Variants in HDGF observed in about 807,000 individuals in gnomAD.
The protein encoded by HDGF is hepatoma-derived growth factor.
In HDGF, 5 loss-of-function variants were observed where a neutral mutation model predicts 30.0. That is an observed-to-expected ratio of 0.17 (90% CI 0.09 to 0.35). HDGF has a LOEUF of 0.35. Among genes scored for constraint, HDGF ranks in the 10% least tolerant of loss-of-function variants. The pLI is 1.00. For missense variants in HDGF, 214 were observed against 302.8 expected (o/e 0.71, Z 2.18); for synonymous variants, 133 against 112.7 (o/e 1.18, Z -1.14).
rs1263248247 is a variant in HDGF, at chr1:156,763,588, CT to C, written n.136+3201del. Among the ~76,000 whole-genome samples the C allele has an allele frequency of 3.4e-3, 463 of 137,096 alleles. 1 individual carries two copies. Among genetic ancestry groups the C allele is most frequent in the Admixed American group, 3.9e-3 (53 of 13,596 alleles). 89.9% of individuals were successfully genotyped at this position (137,096 alleles called of 152,430 possible). On this transcript the variant is annotated intron_variant and non_coding_transcript_variant, in intron 1 of 7. Coordinates refer to the HDGF transcript ENST00000465180. ...TCATAGATGTACCAGTTACAAATTT[CT>C]TTTTTTTTTTTTTTGAGACGGAGTC...
chr1:156,751,487 T>C lies in HDGF; in HGVS notation c.-58A>G. 2 of 1,311,924 alleles carry C rather than the reference T, an allele frequency of 1.5e-6. No homozygotes were observed. Among genetic ancestry groups the C allele is most frequent in the Non-Finnish European group, 2.0e-6 (2 of 1,018,966 alleles). The allele number at this position is 1,311,924 out of a possible 1,614,324, so 81.3% of individuals were successfully genotyped here. On this transcript the variant is annotated 5_prime_UTR_variant, in exon 1 of 6. Transcript: ENST00000357325. This position sits in a 1 kb window ranked among gnomAD's most constrained non-coding sequence, Gnocchi z 4.7. ...GGGCCGGGAAGCGCGAGCCCAAGTTTGCGCGTGCGGCGGTGGCGGCGCCGC... is the reference window on the plus strand; with the variant it reads ...GGGCCGGGAAGCGCGAGCCCAAGTTCGCGCGTGCGGCGGTGGCGGCGCCGC...
chr1:156,748,991 G>T (rs1237168608), intron 1 of HDGF, among the ~76,000 whole-genome samples: 4 of 152,236 alleles, frequency 2.6e-5, no homozygotes, highest in Non-Finnish European at 4.4e-5. Context: ...GGGATCAGGG[G>T]GGAAAATCCC....
intron 2 of HDGF, among the ~76,000 whole-genome samples, chr1:156,758,020 G>C (rs1043683520): frequency 1.4e-4 from 22 of 152,234 alleles, no homozygotes; most frequent in Non-Finnish European, 2.6e-4. Context: ...AGATATGGCT[G>C]GGTGCGGTGG....
rs773690748 is a variant in HDGF at position 156,744,482 on chromosome 1, C to T, written c.304-134G>A. 1.1e-5 allele frequency: 17 copies of T among 1,562,522 alleles called. No individual in the cohort carries two copies. The Admixed American group carries it at 1.2e-4, about 11-fold the overall frequency. ...ACCCCCACCCAGGTGCCCAGTCTCA[C>T]GAGTGATTTGAGACCCACCTCTGTC... On this transcript the variant is annotated intron_variant, in intron 3 of 5. Transcript: ENST00000357325.
chr1:156,754,026 C>T (rs1651107451), upstream of HDGF, among the ~76,000 whole-genome samples: 1 of 151,992 alleles, frequency 6.6e-6, no homozygotes, highest in Admixed American at 6.6e-5. Flanking sequence ...AGCGATTCTC[C>T]TGCCCCAGCC....
At chr1:156,743,601 G>C (rs1299502231) in intron 5 of HDGF, 51 bp downstream of exon 5, 1 of 1,557,682 alleles carries the variant, frequency 6.4e-7, no homozygotes, top group African/African-American at 1.4e-5. Flanking sequence ...TTCTCCGAGA[G>C]TGGCCGGTCC....
chr1:156,745,258 G>C, intron 2 of HDGF, 39 bp downstream of exon 2: 15 of 1,610,294 alleles, frequency 9.3e-6, no homozygotes, highest in Non-Finnish European at 1.2e-5. Flanking sequence ...TAGTCCTCCC[G>C]GGGCCCTCCC....
upstream of HDGF, among the ~76,000 whole-genome samples, chr1:156,753,365 A>T (rs947374202): frequency 1.3e-5 from 2 of 152,184 alleles, no homozygotes; most frequent in Admixed American, 1.3e-4. Context: ...CAACAGAGCA[A>T]CTAGGTTCTA....
In HDGF at chr1:156,743,716, C is replaced by T; in HGVS notation, c.652G>A (p.Glu218Lys). 6.2e-7 allele frequency: 1 copy of T among 1,605,706 alleles called. No individual in the cohort carries two copies. Among genetic ancestry groups the T allele is most frequent in the South Asian group, 1.1e-5 (1 of 89,986 alleles). ...TTGGTAGCCTCTTCCTCTTCATCCT[C>T]CTCCTCTTCTTCCTCTTGGGGAGGC... Reference protein sequence around the residue: ...RGPPQEEEEEEDEEEEATKED... With the variant: ...RGPPQEEEEEKDEEEEATKED... The change falls in exon 5 of 6, where the codon GAG (glutamate) becomes AAG (lysine). Residue 218 changes from glutamate to lysine, a missense_variant. Physicochemically the swap from Glu to Lys is moderately conservative, Grantham distance 56. This residue lies in a region of HDGF where 176 missense variants were observed against 211.7 expected (regional missense o/e 0.83). Coordinates refer to ENST00000357325, the MANE Select transcript of HDGF (RefSeq NM_004494.3).
chr1:156,766,210 G>T (rs1295179199), intron 1 of HDGF, among the ~76,000 whole-genome samples: 1 of 152,330 alleles, frequency 6.6e-6, no homozygotes, highest in African/African-American at 2.4e-5. Flanking sequence ...TCGTCTGATA[G>T]AGGATTCAAG....
intron 1 of HDGF, among the ~76,000 whole-genome samples, chr1:156,760,346 A>AG (rs1158189442): frequency 4.6e-5 from 7 of 152,036 alleles, no homozygotes; most frequent in Admixed American, 2.6e-4. Context: ...CGTGTGGGTG[A>AG]GGGGGGGCCA....
Position 156,745,373 on chromosome 1 carries a change from T to C in HDGF, c.88A>G (p.Ile30Val), listed in dbSNP as rs770739734. The C allele has an allele frequency of 1.2e-6, 2 of 1,613,382 alleles. No individual in the cohort carries two copies. ...ACGGCAGCCTCAGGCATCTCGTCAA[T>C]CTGGGGTGAGATGAGGGGGTGAGGT... ...MKGYPHWPARIDEMPEAAVKS... is the reference protein window; with the variant it reads ...MKGYPHWPARVDEMPEAAVKS... The change falls in exon 2 of 6, where the codon ATT becomes GTT. Residue 30 changes from isoleucine to valine, a missense_variant and splice_region_variant. By Grantham distance (29) the Ile-to-Val change is conservative (BLOSUM62 3). Coordinates refer to ENST00000357325, the MANE Select transcript of HDGF (RefSeq NM_004494.3).
intron 1 of HDGF, among the ~76,000 whole-genome samples, chr1:156,764,463 C>T (rs1253491304): frequency 6.6e-6 from 1 of 152,114 alleles, no homozygotes; most frequent in African/African-American, 2.4e-5. Flanking sequence ...TCCCAAAGTG[C>T]TGGGATTACA....
At chr1:156,750,885 G>A (rs1173615666) in intron 1 of HDGF, among the ~76,000 whole-genome samples, 1 of 151,866 alleles carries the variant, frequency 6.6e-6, no homozygotes, top group African/African-American at 2.4e-5. Context: ...TCCACGAAGA[G>A]AAGAGTTTGA....
chr1:156,743,475 G>T lies in HDGF; in HGVS notation c.717-20C>A, dbSNP rs1558030497. 1.3e-6 allele frequency: 2 copies of T among 1,530,838 alleles called. No individual in the cohort carries two copies. Among genetic ancestry groups the T allele is most frequent in the Non-Finnish European group, 1.8e-6 (2 of 1,139,798 alleles). The allele number at this position is 1,530,838 out of a possible 1,614,324, so 94.8% of individuals were successfully genotyped here. ...TACAGGCTGTGAGGGAGGGTTGGAG[G>T]GGAGAAGGGTTAATGGTGTGGCCTT... On this transcript the variant is annotated intron_variant, in intron 5 of 5. Transcript: ENST00000357325.
At chr1:156,758,601 AAAT>A (rs1164542399) in intron 2 of HDGF, among the ~76,000 whole-genome samples, 10 of 103,704 alleles carry the variant, frequency 9.6e-5, no homozygotes, top group African/African-American at 3.5e-4. Flanking sequence ...TCAAAAAAAA[AAAT>A]AAATAAATAA....
intron 1 of HDGF, among the ~76,000 whole-genome samples, chr1:156,745,900 AG>A (rs1452885429): frequency 6.6e-6 from 1 of 152,334 alleles, no homozygotes; most frequent in East Asian, 1.9e-4. Flanking sequence ...CATCTGTAAA[AG>A]GGAGACAGTC....
rs2102692819 is a variant in HDGF, at chr1:156,742,570, T to A, written c.*879A>T. The stretch of plus-strand genomic sequence containing the variant: ...TTTATTAAAAACATTTCCTAAAAAA[T>A]GTGTCTTTTCCTTTATGTCTGGGTG... On this transcript the variant is annotated 3_prime_UTR_variant, in exon 6 of 6. Coordinates refer to ENST00000357325, the MANE Select transcript of HDGF (RefSeq NM_004494.3). 6.5e-6 allele frequency: 1 copy of A among 152,918 alleles called. No individual in the cohort carries two copies. The highest frequency in any genetic ancestry group is 1.9e-4 in the East Asian group (1 of 5,176). The allele number at this position is 152,918 out of a possible 1,614,324, so 9.5% of individuals were successfully genotyped here.
At chr1:156,763,079 C>T (rs1211387168) in intron 1 of HDGF, among the ~76,000 whole-genome samples, 3 of 152,168 alleles carry the variant, frequency 2.0e-5, no homozygotes, top group Non-Finnish European at 4.4e-5. Context: ...GTTGTCTTCT[C>T]TTCCGAACTC....
Sources: gnomAD v4.1 joint callset for allele counts (sites outside exome capture counted in the v4.1 genomes callset) on GRCh38, gnomAD v4.1.1 for gene constraint, gnomAD v4.1.1 regional missense constraint, Gnocchi (gnomAD v3.1) non-coding constraint, MANE v1.5 for transcripts, NCBI Gene and HGNC (gene_info 2026-07-23, HGNC 2026-07-21) for gene names.